KLF16: variants seen among roughly 807,000 people sequenced by gnomAD.
KLF16 encodes the protein Krueppel-like factor 16.
In KLF16, 6 loss-of-function variants were observed where a neutral mutation model predicts 6.1. That is an observed-to-expected ratio of 0.98 (90% CI 0.54 to 1.93). KLF16 has a LOEUF of 1.93. Ranked by LOEUF, KLF16 falls within the 30% of genes most tolerant of loss-of-function variation. KLF16 has a pLI of 0.01. For synonymous variants in KLF16, 211 were observed against 176.5 expected, an observed-to-expected ratio of 1.20 and a Z score of -1.55; for missense variants, 355 against 363.8, an observed-to-expected ratio of 0.98 and a Z score of 0.20.
At chr19:1,867,248 G>A (rs2012202419), upstream of KLF16, among the ~76,000 whole-genome samples, 1 of 152,182 alleles carries the variant, frequency 6.6e-6, no homozygotes, top group Non-Finnish European at 1.5e-5. Context: ...CCACAACATG[G>A]ATACCCCAAG....
chr19:1,866,939 C>T (rs923407595), upstream of KLF16, among the ~76,000 whole-genome samples: 2 of 152,194 alleles, frequency 1.3e-5, no homozygotes, highest in African/African-American at 2.4e-5. Flanking sequence ...CTGTTCCTCA[C>T]CTATAAATGG....
chr19:1,858,239 T>A (rs1300299578), intron 1 of KLF16, among the ~76,000 whole-genome samples: 1 of 152,040 alleles, frequency 6.6e-6, no homozygotes. Context: ...ACTCCTGGAC[T>A]AGTGCAGTAG....
chr19:1,856,180 C>A (rs1018516090), intron 1 of KLF16, among the ~76,000 whole-genome samples: 2 of 152,126 alleles, frequency 1.3e-5, no homozygotes, highest in Non-Finnish European at 2.9e-5. Flanking sequence ...GTGAGGGGTA[C>A]AGAGACGGCG....
In KLF16 at chr19:1,854,434, G is replaced by A. The variant is rs749795082; in HGVS notation, c.*25C>T. 82 of 1,388,906 alleles carry A rather than the reference G, an allele frequency of 5.9e-5. No homozygotes were observed. Among genetic ancestry groups the A allele is most frequent in the Admixed American group, 2.2e-4 (6 of 27,052 alleles). 86.0% of individuals were successfully genotyped at this position (1,388,906 alleles called of 1,614,324 possible). A position where few individuals can be genotyped will look rare whatever the true frequency, so the allele number is the denominator to read the frequency against. Reference sequence around the variant, plus strand: ...CCCTGGATGGCAGAAGCATCCTGGCGGTCAGGGTGGGCTGCACGAGGGCCC... The same window carrying A: ...CCCTGGATGGCAGAAGCATCCTGGCAGTCAGGGTGGGCTGCACGAGGGCCC... On this transcript the variant is annotated 3_prime_UTR_variant, in exon 2 of 2. Transcript: ENST00000250916.
At chr19:1,868,932 C>T in the KLF16 span, among the ~76,000 whole-genome samples, 7 of 152,180 alleles carry the variant, frequency 4.6e-5, no homozygotes, top group East Asian at 1.9e-4. Context: ...CGTGAGCCAC[C>T]GCACCCGGCC....
At chr19:1,876,294 G>A in the KLF16 span, 3 of 152,474 alleles carry the variant, frequency 2.0e-5, no homozygotes, top group African/African-American at 7.2e-5. Flanking sequence ...GAGCTAGCTG[G>A]ATGCAGCTTG....
the KLF16 span, among the ~76,000 whole-genome samples, chr19:1,870,548 C>T: frequency 3.3e-5 from 5 of 151,992 alleles, no homozygotes; most frequent in South Asian, 2.1e-4. Context: ...GTGTGCCTGT[C>T]GTCCCAGGTA....
the KLF16 span, among the ~76,000 whole-genome samples, chr19:1,873,868 G>A: frequency 6.6e-6 from 1 of 152,242 alleles, no homozygotes; most frequent in Non-Finnish European, 1.5e-5. Flanking sequence ...CATGTGAGAG[G>A]GACAGGCAGA....
intron 1 of KLF16, among the ~76,000 whole-genome samples, chr19:1,859,739 A>G (rs2012025412): frequency 6.6e-6 from 1 of 152,088 alleles, no homozygotes; most frequent in African/African-American, 2.4e-5. Context: ...CAGTTCCCTA[A>G]GTCCTGGGGC....
At position 1,862,977 on chromosome 19, in the gene KLF16, T is replaced by C. The variant is rs2012100404; in HGVS notation, c.457+64A>G. ...CCCCACGCGCCACGCAGTTTCGGGG[T>C]CCTGGCGGGGGAGGGGTCTCAGGCG... On this transcript the variant is annotated intron_variant, in intron 1 of 1. Coordinates refer to ENST00000250916, the MANE Select transcript of KLF16 (RefSeq NM_031918.4). The C allele has an allele frequency of 1.1e-5, 11 of 1,042,202 alleles. No homozygotes were observed. The South Asian group carries it at 1.8e-4, about 17-fold the overall frequency. The allele number at this position is 1,042,202 out of a possible 1,614,324, so 64.6% of individuals were successfully genotyped here.
upstream of KLF16, among the ~76,000 whole-genome samples, chr19:1,866,552 T>C (rs2012191219): frequency 1.3e-5 from 2 of 151,422 alleles, no homozygotes; most frequent in Admixed American, 6.6e-5. Context: ...AGGCGGAGGT[T>C]GCAGTGAGCC....
intron 1 of KLF16, among the ~76,000 whole-genome samples, chr19:1,855,623 C>T (rs1318970998): frequency 3.3e-5 from 5 of 152,374 alleles, no homozygotes; most frequent in Admixed American, 1.3e-4. Flanking sequence ...CGCCTCCAGG[C>T]GGTGTGGGTC....
At position 1,859,804 on chromosome 19, in the gene KLF16, A is replaced by T. The variant is rs190868293; in HGVS notation, c.457+3237T>A. Among the ~76,000 whole-genome samples, 988 of 152,258 alleles carry T rather than the reference A, an allele frequency of 6.5e-3. 7 individuals carry two copies. The highest frequency in any genetic ancestry group is 0.011 in the Admixed American group (161 of 15,306). ...GCGGCAGGGGACTTCAGAGTGGGAT[A>T]CAACTGGGGGTGACCCTGCAGCCCC... On this transcript the variant is annotated intron_variant, in intron 1 of 1. Coordinates refer to ENST00000250916, the MANE Select transcript of KLF16 (RefSeq NM_031918.4).
At chr19:1,873,614 G>C in the KLF16 span, among the ~76,000 whole-genome samples, 1 of 151,868 alleles carries the variant, frequency 6.6e-6, no homozygotes, top group African/African-American at 2.4e-5. Flanking sequence ...GCTTGAACAA[G>C]TGTGTCCTGG....
At chr19:1,872,667 T>C in the KLF16 span, among the ~76,000 whole-genome samples, 2 of 152,142 alleles carry the variant, frequency 1.3e-5, no homozygotes, top group Non-Finnish European at 2.9e-5. Context: ...GGCAGATGTG[T>C]GTCCCGGGAC....
chr19:1,867,289 G>A (rs1260420883), upstream of KLF16, among the ~76,000 whole-genome samples: 1 of 152,226 alleles, frequency 6.6e-6, no homozygotes, highest in African/African-American at 2.4e-5. Context: ...AGGCTGCAGG[G>A]CCGGGTGCAG....
chr19:1,870,852 C>T, the KLF16 span, among the ~76,000 whole-genome samples: 1 of 152,088 alleles, frequency 6.6e-6, no homozygotes, highest in Non-Finnish European at 1.5e-5. Context: ...AAAAATTAAC[C>T]AGGCGTGGTG....
the KLF16 span, among the ~76,000 whole-genome samples, chr19:1,870,081 T>C: frequency 6.6e-6 from 1 of 151,772 alleles, no homozygotes; most frequent in East Asian, 1.9e-4. Flanking sequence ...TACAGGCACG[T>C]GCCACCAAAC....
intron 1 of KLF16, among the ~76,000 whole-genome samples, chr19:1,860,929 G>A (rs1327491292): frequency 6.6e-6 from 1 of 152,082 alleles, no homozygotes; most frequent in Non-Finnish European, 1.5e-5. Context: ...ACTGTAAAGG[G>A]GGCTTTGGAA....
Sources: allele counts gnomAD v4.1 joint callset (sites outside exome capture counted in the v4.1 genomes callset), GRCh38; gene constraint gnomAD v4.1.1; transcripts MANE v1.5; gene names NCBI Gene and HGNC (gene_info 2026-07-23, HGNC 2026-07-21).